Variants in RIMBP2 observed in about 807,000 individuals in gnomAD.
RIMBP2 encodes RIMS-binding protein 2.
A neutral mutation model predicts 118.6 loss-of-function variants in RIMBP2; 48 were observed. The ratio of observed to expected loss-of-function variants is 0.40; its 90% confidence interval spans 0.32 to 0.51. The LOEUF (loss-of-function observed/expected upper bound fraction) is 0.51, where lower values mean the gene tolerates loss of function less well. Ranked by LOEUF, RIMBP2 falls within the 20% of genes least tolerant of loss-of-function variation. The probability of loss-of-function intolerance (pLI) is 0.41; values close to 1 mark genes in which losing one functional copy is unlikely to be tolerated. For missense variants in RIMBP2, 1,551 were observed against 1,768.3 expected, an observed-to-expected ratio of 0.88 and a Z score of 2.20; for synonymous variants, 762 against 742.9, an observed-to-expected ratio of 1.03 and a Z score of -0.42.
chr12:130,519,797 TC>T lies in RIMBP2; in HGVS notation c.-216-1881del, dbSNP rs889212436. 5.0e-4 allele frequency among the ~76,000 whole-genome samples: 76 copies of T among 152,330 alleles called. 2 individuals are homozygous for T. Among genetic ancestry groups the T allele is most frequent in the African/African-American group, 1.6e-3 (65 of 41,584 alleles). ...ATTGCCTAAATACAAATGGGAGCTC[TC>T]CTTAAATGTGACCTTGGACAAGCTG... On this transcript the variant is annotated intron_variant, in intron 2 of 22. Coordinates refer to ENST00000690449, the MANE Select transcript of RIMBP2 (RefSeq NM_001393629.1).
intron 21 of RIMBP2, 27 bp downstream of exon 21, chr12:130,406,145 G>A (rs767224332): frequency 7.7e-7 from 1 of 1,290,474 alleles, no homozygotes; most frequent in Non-Finnish European, 1.1e-6. Context: ...AAATCAAATG[G>A]TACTTCTTGA....
At chr12:130,624,335 A>G (rs1223334956) in intron 2 of RIMBP2, among the ~76,000 whole-genome samples, 1 of 152,278 alleles carries the variant, frequency 6.6e-6, no homozygotes, top group African/African-American at 2.4e-5. Flanking sequence ...CAAATTAAAT[A>G]TATAAATTTA....
intron 3 of RIMBP2, among the ~76,000 whole-genome samples, chr12:130,512,084 A>C (rs972882791): frequency 6.6e-6 from 1 of 152,174 alleles, no homozygotes; most frequent in African/African-American, 2.4e-5. Context: ...TGATGCCACT[A>C]AATTAAAACA....
intron 2 of RIMBP2, among the ~76,000 whole-genome samples, chr12:130,615,155 ATT>A (rs1444633780): frequency 1.4e-5 from 2 of 147,212 alleles, no homozygotes; most frequent in African/African-American, 4.9e-5. Flanking sequence ...ATACATATAT[ATT>A]ATATTGTATA....
intron 6 of RIMBP2, among the ~76,000 whole-genome samples, chr12:130,459,055 A>C (rs1198765739): frequency 6.5e-5 from 1 of 15,460 alleles, no homozygotes; most frequent in South Asian, 0.018. Context: ...AAAAAAAAAA[A>C]AAAACAAAAA....
intron 2 of RIMBP2, among the ~76,000 whole-genome samples, chr12:130,567,923 T>C (rs1400836444): frequency 6.6e-6 from 1 of 152,160 alleles, no homozygotes; most frequent in Non-Finnish European, 1.5e-5. Flanking sequence ...ACCTGTGCCT[T>C]TCAGTGCACC....
Position 130,578,720 on chromosome 12 carries a change from C to A in RIMBP2, c.-217+49602G>T, listed in dbSNP as rs574674754. ...CCCAACGACCGAGTCCCTCACCCTGCCCCGTCTCCACACTTGGCTTGTGCC... is the reference window on the plus strand; with the variant it reads ...CCCAACGACCGAGTCCCTCACCCTGACCCGTCTCCACACTTGGCTTGTGCC... On this transcript the variant is annotated intron_variant, in intron 2 of 22. Coordinates refer to ENST00000690449, the MANE Select transcript of RIMBP2 (RefSeq NM_001393629.1). The surrounding 1 kb of genome is among the most constrained non-coding windows in gnomAD (Gnocchi z 4.1). Among the ~76,000 whole-genome samples, 1 of 152,314 alleles carries A rather than the reference C, an allele frequency of 6.6e-6. No individual in the cohort carries two copies. Among genetic ancestry groups the A allele is most frequent in the African/African-American group, 2.4e-5 (1 of 41,568 alleles).
At chr12:130,692,900 A>ATAGGG (rs2065389541) in intron 1 of RIMBP2, among the ~76,000 whole-genome samples, 1 of 145,374 alleles carries the variant, frequency 6.9e-6, no homozygotes, top group Non-Finnish European at 1.5e-5. Context: ...GTAGGATAGG[A>ATAGGG]TAGGGTAGGG....
intron 1 of RIMBP2, among the ~76,000 whole-genome samples, chr12:130,705,141 G>A (rs1057385695): frequency 3.9e-5 from 6 of 152,194 alleles, no homozygotes; most frequent in African/African-American, 1.4e-4. Context: ...CTCTGGTTCC[G>A]CCTTCAGAGT....
At chr12:130,682,713 G>A (rs920728929) in intron 1 of RIMBP2, among the ~76,000 whole-genome samples, 5 of 152,172 alleles carry the variant, frequency 3.3e-5, no homozygotes, top group South Asian at 2.1e-4. Context: ...TGTGAGGGAC[G>A]GGTCCAGTCA....
chr12:130,434,644 G>A lies in RIMBP2; in HGVS notation c.2253+90C>T. 2.2e-6 allele frequency: 3 copies of A among 1,377,822 alleles called. No individual in the cohort carries two copies. The highest frequency in any genetic ancestry group is 2.9e-5 in the South Asian group (2 of 68,894). The allele number at this position is 1,377,822 out of a possible 1,614,324, so 85.3% of individuals were successfully genotyped here. A position where few individuals can be genotyped will look rare whatever the true frequency, so the allele number is the denominator to read the frequency against. ...CTCTCTCAGGGACCCAAGGGTAGCG[G>A]GGAAAGTGCCCATGTCTCTTGATCT... On this transcript the variant is annotated intron_variant, in intron 14 of 22. Transcript: ENST00000690449. The surrounding 1 kb of genome is among the most constrained non-coding windows in gnomAD (Gnocchi z 5.7).
Position 130,585,041 on chromosome 12 carries a change from T to C in RIMBP2, c.-217+43281A>G, listed in dbSNP as rs552259701. On this transcript the variant is annotated intron_variant, in intron 2 of 22. Transcript: ENST00000690449. ...CTAGAATGACAGATGTACACCACCA[T>C]GCCCAGAAATTTTTTTTTAAATTGT... is the stretch of plus-strand genomic sequence containing the variant. 3.0e-4 allele frequency among the ~76,000 whole-genome samples: 45 copies of C among 152,268 alleles called. 1 individual carries two copies. Among genetic ancestry groups the C allele is most frequent in the African/African-American group, 1.1e-3 (45 of 41,570 alleles).
intron 4 of RIMBP2, among the ~76,000 whole-genome samples, chr12:130,502,777 C>T (rs2049923418): frequency 6.6e-6 from 1 of 152,216 alleles, no homozygotes; most frequent in Admixed American, 6.5e-5. Context: ...GTGCCTGCAA[C>T]AGTGCCTGGT....
At chr12:130,702,684 C>T (rs2065917593) in intron 1 of RIMBP2, among the ~76,000 whole-genome samples, 2 of 152,216 alleles carry the variant, frequency 1.3e-5, no homozygotes, top group South Asian at 4.2e-4. Flanking sequence ...TGTGCAAGCC[C>T]TTCCTGTTTT....
At chr12:130,495,345 G>A (rs2049045844) in intron 4 of RIMBP2, among the ~76,000 whole-genome samples, 1 of 152,148 alleles carries the variant, frequency 6.6e-6, no homozygotes, top group Non-Finnish European at 1.5e-5. Context: ...CCTCAGTGCT[G>A]CCCGTTGTCT....
intron 1 of RIMBP2, among the ~76,000 whole-genome samples, chr12:130,713,358 C>T (rs565494347): frequency 2.4e-4 from 36 of 152,270 alleles, no homozygotes; most frequent in African/African-American, 8.4e-4. Flanking sequence ...GTGTCCTCAG[C>T]TGGTTGCCCT....
chr12:130,438,336 C>CCCCCA, intron 12 of RIMBP2, 29 bp downstream of exon 12: 1 of 844,142 alleles, frequency 1.2e-6, no homozygotes, highest in Non-Finnish European at 2.0e-6. Flanking sequence ...GCCTAACAAA[C>CCCCCA]CCTCCCCACC....
chr12:130,551,849 G>A (rs2055819610), intron 2 of RIMBP2, among the ~76,000 whole-genome samples: 1 of 152,238 alleles, frequency 6.6e-6, no homozygotes, highest in Non-Finnish European at 1.5e-5. Flanking sequence ...TCATCCCACA[G>A]AAGTGGATTC....
At chr12:130,550,137 T>C (rs1001028216) in intron 2 of RIMBP2, among the ~76,000 whole-genome samples, 5 of 152,192 alleles carry the variant, frequency 3.3e-5, no homozygotes, top group Admixed American at 1.3e-4. Context: ...ATCGACTACA[T>C]TGGAACTATG....
Sources: allele counts gnomAD v4.1 joint callset (sites outside exome capture counted in the v4.1 genomes callset), GRCh38; gene constraint gnomAD v4.1.1; non-coding constraint Gnocchi (gnomAD v3.1); transcripts MANE v1.5; gene names NCBI Gene and HGNC (gene_info 2026-07-23, HGNC 2026-07-21).